The following DMD variants were observed in gnomAD, a reference collection of about 807,000 sequenced individuals.
The protein encoded by DMD is dystrophin.
DMD carries 63 observed loss-of-function variants against 330.1 expected under a neutral mutation model. That is an observed-to-expected ratio of 0.19 (90% confidence interval 0.16 to 0.24). DMD has a LOEUF of 0.24. Among genes scored for constraint, DMD ranks in the 10% least tolerant of loss-of-function variants. The pLI, the probability that DMD is intolerant of heterozygous loss-of-function variation, is 1.00. For synonymous variants in DMD, 1,223 were observed against 959.8 expected (o/e 1.27, Z -5.07); for missense variants, 3,344 against 2,684.1 (o/e 1.25, Z -5.43).
intron 44 of DMD, among the ~76,000 whole-genome samples, chrX:32,124,606 C>T (rs756637254): frequency 8.9e-6 from 1 of 111,964 alleles, no homozygotes; most frequent in Non-Finnish European, 1.9e-5. Context: ...TTGTTGTGTA[C>T]AATTACTGTG....
chrX:31,192,328 G>A (rs1443619171), intron 67 of DMD, among the ~76,000 whole-genome samples: 6 of 112,236 alleles, frequency 5.3e-5, no homozygotes, highest in South Asian at 7.4e-4. Context: ...TTAGACACAA[G>A]ATACTTGGGT....
chrX:31,738,380 C>T (rs1192162822), intron 51 of DMD, among the ~76,000 whole-genome samples: 1 of 111,820 alleles, frequency 8.9e-6, no homozygotes, highest in Non-Finnish European at 1.9e-5. Context: ...TGACATATTA[C>T]CTCACTCCCG....
intron 9 of DMD, among the ~76,000 whole-genome samples, chrX:32,675,946 A>C (rs888168243): frequency 9.0e-5 from 10 of 111,713 alleles, no homozygotes; most frequent in African/African-American, 3.2e-4. Flanking sequence ...TCATTATCTA[A>C]GATCAACACT....
intron 1 of DMD, among the ~76,000 whole-genome samples, chrX:33,048,021 G>A (rs2094406041): frequency 8.9e-6 from 1 of 112,170 alleles, no homozygotes; most frequent in African/African-American, 3.2e-5. Flanking sequence ...AAACACTGAA[G>A]ATCAATGGAA....
chrX:32,240,259 T>C (rs1001451054), intron 43 of DMD, among the ~76,000 whole-genome samples: 1 of 111,788 alleles, frequency 8.9e-6, no homozygotes, highest in Non-Finnish European at 1.9e-5. Context: ...TCTTGCAAAA[T>C]TTATACGTTG....
chrX:32,188,752 A>G (rs1266058824), intron 44 of DMD, among the ~76,000 whole-genome samples: 1 of 109,638 alleles, frequency 9.1e-6, no homozygotes, highest in African/African-American at 3.3e-5. Flanking sequence ...CACGCACACA[A>G]TTTCCTTCTA....
intron 62 of DMD, among the ~76,000 whole-genome samples, chrX:31,307,755 A>G (rs1037544122): frequency 8.9e-6 from 1 of 111,829 alleles, no homozygotes; most frequent in Non-Finnish European, 1.9e-5. Context: ...TGAATTCTAA[A>G]CTTGAAGTCT....
At chrX:31,240,391 T>C (rs770361394) in intron 63 of DMD, among the ~76,000 whole-genome samples, 1 of 112,022 alleles carries the variant, frequency 8.9e-6, no homozygotes, top group South Asian at 3.7e-4. Context: ...AATTAGGGGA[T>C]TGATACCAAG....
At chrX:32,654,745 C>T (rs750585606) in intron 9 of DMD, among the ~76,000 whole-genome samples, 1 of 111,555 alleles carries the variant, frequency 9.0e-6, no homozygotes, top group African/African-American at 3.3e-5. Context: ...CTTCCTTGTA[C>T]CTCTGGTAGA....
At chrX:32,107,275 T>TTAGG (rs1162015501) in intron 44 of DMD, among the ~76,000 whole-genome samples, 1 of 109,220 alleles carries the variant, frequency 9.2e-6, no homozygotes, top group Non-Finnish European at 1.9e-5. Context: ...AAGGAGTATA[T>TTAGG]TAGGGTTCCT....
chrX:31,612,979 C>T (rs1265215042), intron 55 of DMD, among the ~76,000 whole-genome samples: 1 of 111,697 alleles, frequency 9.0e-6, no homozygotes, highest in Non-Finnish European at 1.9e-5. Context: ...GTAATGCTTT[C>T]GAGAAGAGGT....
chrX:32,227,332 G>A (rs1173499416), intron 43 of DMD, among the ~76,000 whole-genome samples: 7 of 84,866 alleles, frequency 8.2e-5, no homozygotes, highest in Admixed American at 1.4e-4. Context: ...CACAAATTGC[G>A]TATGGAATAA....
chrX:33,339,330 T>A, exon 1 of DMD: 1 of 987,726 alleles, frequency 1.0e-6, no homozygotes, highest in Non-Finnish European at 1.3e-6. Context: ...ATCAAGATAG[T>A]GCAAAACAGC....
At chrX:32,566,558 T>C (rs1445582119) in intron 15 of DMD, among the ~76,000 whole-genome samples, 2 of 112,325 alleles carry the variant, frequency 1.8e-5, no homozygotes, top group Non-Finnish European at 3.8e-5. Flanking sequence ...AAGAACTAAG[T>C]CGCTGGGCAT....
intron 63 of DMD, among the ~76,000 whole-genome samples, chrX:31,243,520 G>A (rs1007117088): frequency 8.9e-6 from 1 of 112,100 alleles, no homozygotes; most frequent in Non-Finnish European, 1.9e-5. Flanking sequence ...GGTTAACTTC[G>A]TTTTGTTTTC....
At chrX:32,821,486 G>C (rs2078244370) in intron 5 of DMD, among the ~76,000 whole-genome samples, 1 of 109,715 alleles carries the variant, frequency 9.1e-6, no homozygotes, top group Non-Finnish European at 1.9e-5. Context: ...TACTCGGGAG[G>C]CTGAGGCAGG....
chrX:32,420,961 C>T (rs1422619205), intron 29 of DMD, among the ~76,000 whole-genome samples: 1 of 111,508 alleles, frequency 9.0e-6, no homozygotes, highest in African/African-American at 3.3e-5. Context: ...TTCTCTTGGA[C>T]TACAGTGCCA....
At chrX:32,221,557 A>T (rs2097132042) in intron 43 of DMD, among the ~76,000 whole-genome samples, 1 of 111,950 alleles carries the variant, frequency 8.9e-6, no homozygotes, top group Non-Finnish European at 1.9e-5. Context: ...TAATGTTTTT[A>T]AAAAATTCAA....
chrX:31,547,681 A>G (rs1244205915), intron 55 of DMD, among the ~76,000 whole-genome samples: 3 of 111,909 alleles, frequency 2.7e-5, no homozygotes, highest in Non-Finnish European at 5.6e-5. Flanking sequence ...CATGCTGTGG[A>G]AGGATCAGAG....
Sources: gnomAD v4.1 joint callset for allele counts (sites outside exome capture counted in the v4.1 genomes callset) on GRCh38, gnomAD v4.1.1 for gene constraint, MANE v1.5 for transcripts, NCBI Gene and HGNC (gene_info 2026-07-23, HGNC 2026-07-21) for gene names.